MDGA2: variants seen among roughly 807,000 people sequenced by gnomAD.
The protein encoded by MDGA2 is MAM domain-containing glycosylphosphatidylinositol anchor protein 2.
Under a neutral mutation model 117.8 loss-of-function variants are expected in MDGA2, and 40 were observed. The ratio of observed to expected loss-of-function variants is 0.34; its 90% CI spans 0.26 to 0.44. The LOEUF (loss-of-function observed/expected upper bound fraction) is 0.44, where lower values mean the gene tolerates loss of function less well. MDGA2 is among the 20% of genes least tolerant of loss of function. MDGA2 has a pLI of 1.00. For synonymous variants in MDGA2, 452 were observed against 439.0 expected, an observed-to-expected ratio of 1.03 and a Z score of -0.37; for missense variants, 1,123 against 1,250.6, an observed-to-expected ratio of 0.90 and a Z score of 1.54.
At chr14:47,072,112 G>GTGGC (rs1260851132) in intron 6 of MDGA2, among the ~76,000 whole-genome samples, 1 of 106,952 alleles carries the variant, frequency 9.3e-6, no homozygotes. Flanking sequence ...GGGGGGGGGG[G>GTGGC]GGTTTGCAGG....
At position 47,508,209 on chromosome 14, in the gene MDGA2, A is replaced by T. The variant is rs2138686243; in HGVS notation, c.280+166308T>A. 2.0e-5 allele frequency among the ~76,000 whole-genome samples: 3 copies of T among 152,324 alleles called. No individual in the cohort carries two copies. The Middle Eastern group carries it at 0.01, about 518-fold the overall frequency. On this transcript the variant is annotated intron_variant, in intron 1 of 16. Coordinates refer to ENST00000399232, the MANE Select transcript of MDGA2 (RefSeq NM_001113498.3). ...TCTTACTTCCAGACTAAATATTTCCAGTTCCTTACACTATTTCTTATATAG... is the reference window on the plus strand; with the variant it reads ...TCTTACTTCCAGACTAAATATTTCCTGTTCCTTACACTATTTCTTATATAG...
chr14:47,627,012 A>C (rs1329450316), intron 1 of MDGA2, among the ~76,000 whole-genome samples: 2 of 152,216 alleles, frequency 1.3e-5, no homozygotes, highest in Non-Finnish European at 2.9e-5. Context: ...TAGCTAAGGG[A>C]TTGTAAACAC....
intron 1 of MDGA2, among the ~76,000 whole-genome samples, chr14:47,398,019 A>C (rs1351455342): frequency 6.6e-6 from 1 of 152,188 alleles, no homozygotes; most frequent in Admixed American, 6.5e-5. Flanking sequence ...CATCGCTTTG[A>C]GAATGGAACC....
intron 3 of MDGA2, among the ~76,000 whole-genome samples, chr14:47,163,209 G>A (rs907301134): frequency 6.6e-6 from 1 of 152,152 alleles, no homozygotes; most frequent in Non-Finnish European, 1.5e-5. Context: ...AGCCTCTTCT[G>A]AAGAACTGGA....
chr14:47,604,066 T>C (rs1380766840), intron 1 of MDGA2, among the ~76,000 whole-genome samples: 1 of 152,180 alleles, frequency 6.6e-6, no homozygotes, highest in Non-Finnish European at 1.5e-5. Context: ...AAATGTCTTT[T>C]ATTTCTTTAT....
intron 1 of MDGA2, among the ~76,000 whole-genome samples, chr14:47,631,447 C>G (rs951844312): frequency 1.3e-5 from 2 of 152,054 alleles, no homozygotes; most frequent in Non-Finnish European, 2.9e-5. Context: ...TTTTTTAAAA[C>G]AAAAACGAAA....
intron 1 of MDGA2, among the ~76,000 whole-genome samples, chr14:47,402,770 T>G (rs1485309841): frequency 1.3e-5 from 2 of 152,020 alleles, no homozygotes; most frequent in Admixed American, 6.6e-5. Context: ...CTGAGGATAC[T>G]GGAACACACA....
chr14:47,549,079 T>C (rs1227907411), intron 1 of MDGA2, among the ~76,000 whole-genome samples: 1 of 152,134 alleles, frequency 6.6e-6, no homozygotes, highest in African/African-American at 2.4e-5. Flanking sequence ...TCAGTGAGGA[T>C]GGAGTTTTTT....
At chr14:46,911,065 G>A (rs2138481041) in intron 10 of MDGA2, among the ~76,000 whole-genome samples, 1 of 152,182 alleles carries the variant, frequency 6.6e-6, no homozygotes. Flanking sequence ...ATACCTGGGT[G>A]ATGAAATAAT....
rs1453932560 is a variant in MDGA2 at position 46,882,111 on chromosome 14, T to C, written c.2349A>G (p.Glu783=). The C allele has an allele frequency of 1.9e-5, 30 of 1,612,262 alleles. No homozygotes were observed. The highest frequency in any genetic ancestry group is 2.5e-5 in the Non-Finnish European group (29 of 1,178,934). Residue 783 remains glutamate (E), a synonymous_variant, in exon 11 of 17, where the codon GAA becomes GAG. Transcript: ENST00000399232. The part of the protein sequence containing the change: ...LTELIKPEAY[E]VRLTPLTKFG... ...ATTTGGTGAGAGGAGTCAGTCGGAC[T>C]TCATAAGCTTCTGGTTTAATTAGCT...
intron 1 of MDGA2, among the ~76,000 whole-genome samples, chr14:47,325,849 G>C (rs1890126361): frequency 6.6e-6 from 1 of 152,136 alleles, no homozygotes; most frequent in Non-Finnish European, 1.5e-5. Flanking sequence ...GTTGGTTTTA[G>C]ATAAAATTAT....
chr14:47,357,791 C>T (rs530564648), intron 1 of MDGA2, among the ~76,000 whole-genome samples: 27 of 152,158 alleles, frequency 1.8e-4, no homozygotes, highest in Non-Finnish European at 2.9e-4. Context: ...ACAAAAATAT[C>T]GGCCCCTTTG....
rs920517011 is a variant in MDGA2, at chr14:47,648,802, C to A, written c.280+25715G>T. ...AAAATAAAGTTCATAAGAAAGTGTT[C>A]ATAAAATCACTTAACTTTGGAATTT... On this transcript the variant is annotated intron_variant, in intron 1 of 16. Coordinates refer to ENST00000399232, the MANE Select transcript of MDGA2 (RefSeq NM_001113498.3). 3.9e-5 allele frequency among the ~76,000 whole-genome samples: 6 copies of A among 152,112 alleles called. No homozygotes were observed. In the South Asian group the frequency reaches 8.3e-4, roughly 21 times the overall value.
chr14:47,034,754 ACACAC>A lies in MDGA2; in HGVS notation c.1819+252_1819+256del, dbSNP rs1479315102. On this transcript the variant is annotated intron_variant, in intron 8 of 16. Transcript: ENST00000399232. ...TACACACACACACACACACACACAC[ACACAC>A]ACACACACACTAAAACAACTCTTTC... Among the ~76,000 whole-genome samples the A allele has an allele frequency of 3.3e-5, 5 of 151,980 alleles. No individual in the cohort carries two copies. The East Asian group carries it at 9.7e-4, about 29-fold the overall frequency.
intron 1 of MDGA2, among the ~76,000 whole-genome samples, chr14:47,360,591 T>C (rs1891098968): frequency 6.6e-6 from 1 of 152,020 alleles, no homozygotes; most frequent in African/African-American, 2.4e-5. Context: ...GACAAGGGTA[T>C]CGAGAAAAGG....
At chr14:47,578,308 G>A (rs568717582) in intron 1 of MDGA2, among the ~76,000 whole-genome samples, 10 of 151,958 alleles carry the variant, frequency 6.6e-5, no homozygotes, top group Non-Finnish European at 1.0e-4. Flanking sequence ...TGCATGTGGG[G>A]CCTAAAACCT....
chr14:46,908,770 T>C (rs1883592314), intron 10 of MDGA2, among the ~76,000 whole-genome samples: 1 of 152,202 alleles, frequency 6.6e-6, no homozygotes, highest in Non-Finnish European at 1.5e-5. Flanking sequence ...TAAGAATAAG[T>C]AAAATGTCAA....
chr14:47,322,357 C>T (rs1890005138), intron 1 of MDGA2, among the ~76,000 whole-genome samples: 1 of 152,106 alleles, frequency 6.6e-6, no homozygotes, highest in Non-Finnish European at 1.5e-5. Flanking sequence ...TTAGGTTATC[C>T]TCTGACAACA....
chr14:47,421,928 TA>T (rs1290738653), intron 1 of MDGA2, among the ~76,000 whole-genome samples: 2 of 151,814 alleles, frequency 1.3e-5, no homozygotes, highest in African/African-American at 2.4e-5. Flanking sequence ...TTTTTCAAGT[TA>T]AAAAAAATCA....
Sources: allele counts gnomAD v4.1 joint callset (sites outside exome capture counted in the v4.1 genomes callset), GRCh38; gene constraint gnomAD v4.1.1; transcripts MANE v1.5; gene names NCBI Gene and HGNC (gene_info 2026-07-23, HGNC 2026-07-21).